Variants in PCDHGA4 observed in about 807,000 individuals in gnomAD.
The protein encoded by PCDHGA4 is protocadherin gamma subfamily A, 4.
In PCDHGA4, 38 loss-of-function variants were observed where a neutral mutation model predicts 54.6. The observed-to-expected ratio is 0.70, with a 90% confidence interval of 0.54 to 0.91. The LOEUF (loss-of-function observed/expected upper bound fraction) is 0.91. PCDHGA4 is among the 40% of genes least tolerant of loss of function. The pLI, the probability that PCDHGA4 is intolerant of heterozygous loss-of-function variation, is 0.00. For synonymous variants in PCDHGA4, 511 were observed against 512.9 expected, an observed-to-expected ratio of 1.00 and a Z score of 0.05; for missense variants, 1,298 against 1,220.9, an observed-to-expected ratio of 1.06 and a Z score of -0.94.
Position 141,422,444 on chromosome 5 carries a change from T to TA in PCDHGA4, c.2514+64825dup, listed in dbSNP as rs1171104340. 1.9e-6 allele frequency: 3 copies of TA among 1,610,490 alleles called. No homozygotes were observed. The Admixed American group carries it at 5.1e-5, about 27-fold the overall frequency. ...ACTTATGGAAATTATTACAAATTGA[T>TA]AACAAGCAGAGTGCTGGACAGGGAG... On this transcript the variant is annotated intron_variant, in intron 1 of 3. Coordinates refer to ENST00000571252, the MANE Select transcript of PCDHGA4 (RefSeq NM_018917.4).
rs778496260 is a variant in PCDHGA4 at position 141,376,289 on chromosome 5, C to T, written c.2514+18668C>T. On this transcript the variant is annotated intron_variant, in intron 1 of 3. Coordinates refer to ENST00000571252, the MANE Select transcript of PCDHGA4 (RefSeq NM_018917.4). ...TTCGGGAGGTGGCTTAGCGAGCATGCCCGGCTCGCACTTTGTGGGCGTGGA... is the reference window on the plus strand; with the variant it reads ...TTCGGGAGGTGGCTTAGCGAGCATGTCCGGCTCGCACTTTGTGGGCGTGGA... 3.7e-6 allele frequency: 6 copies of T among 1,614,060 alleles called. No homozygotes were observed. The highest frequency in any genetic ancestry group is 5.1e-6 in the Non-Finnish European group (6 of 1,180,046).
chr5:141,402,880 A>G (rs886365174), intron 1 of PCDHGA4: 2 of 1,474,944 alleles, frequency 1.4e-6, no homozygotes, highest in Non-Finnish European at 1.8e-6. Flanking sequence ...CATACTTTGC[A>G]GGGTGGAAGA....
At chr5:141,421,825 AG>A in intron 1 of PCDHGA4, 1 of 1,613,802 alleles carries the variant, frequency 6.2e-7, no homozygotes. Flanking sequence ...ACTGGAGGGA[AG>A]CCTGGACCGA....
chr5:141,443,443 G>A (rs2098388456), intron 1 of PCDHGA4, among the ~76,000 whole-genome samples: 1 of 152,124 alleles, frequency 6.6e-6, no homozygotes, highest in African/African-American at 2.4e-5. Flanking sequence ...CTGTGGTTGC[G>A]CTCCTGTACT....
In PCDHGA4 at chr5:141,491,832, C is replaced by A; in HGVS notation, c.2515-2975C>A. On this transcript the variant is annotated intron_variant, in intron 1 of 3. Coordinates refer to ENST00000571252, the MANE Select transcript of PCDHGA4 (RefSeq NM_018917.4). The surrounding 1 kb of genome is among the most constrained non-coding windows in gnomAD (Gnocchi z 6.9). ...GTCGCTGGCTGCGCTCCACCCGATT[C>A]TCGGGATCATTGGACCGTTTGCGCG... 6.8e-7 allele frequency: 1 copy of A among 1,474,424 alleles called. No individual in the cohort carries two copies. 91.3% of individuals were successfully genotyped at this position (1,474,424 alleles called of 1,614,324 possible).
chr5:141,419,877 C>G (rs1272137716), intron 1 of PCDHGA4: 24 of 1,614,062 alleles, frequency 1.5e-5, no homozygotes, highest in Non-Finnish European at 1.9e-5. Flanking sequence ...GAGGTACTGC[C>G]GGATTTCAGC....
intron 1 of PCDHGA4, among the ~76,000 whole-genome samples, chr5:141,480,753 G>A (rs1418880497): frequency 1.3e-5 from 2 of 152,144 alleles, no homozygotes; most frequent in Non-Finnish European, 2.9e-5. Flanking sequence ...ATCATTTTTT[G>A]AAGGTCCCCA....
intron 1 of PCDHGA4, chr5:141,370,579 C>T (rs1363089193): frequency 1.9e-6 from 3 of 1,613,818 alleles, no homozygotes; most frequent in Non-Finnish European, 2.5e-6. Context: ...GGGGATTTAC[C>T]TACTAGGAAC....
chr5:141,486,745 C>T lies in PCDHGA4; in HGVS notation c.2515-8062C>T, dbSNP rs1167986336. On this transcript the variant is annotated intron_variant, in intron 1 of 3. Coordinates refer to ENST00000571252, the MANE Select transcript of PCDHGA4 (RefSeq NM_018917.4). This position sits in a 1 kb window ranked among gnomAD's most constrained non-coding sequence, Gnocchi z 5.0. ...CTGTTCATGCTACTCGATCCTTTGA[C>T]TATGAGCAAACCCAGACACTGCAGT... 3.1e-6 allele frequency: 5 copies of T among 1,614,226 alleles called. No homozygotes were observed. The highest frequency in any genetic ancestry group is 3.4e-6 in the Non-Finnish European group (4 of 1,180,044).
rs776737236 is a variant in PCDHGA4, at chr5:141,431,439, G to T, written c.2515-63368G>T. 20 of 1,613,724 alleles carry T rather than the reference G, an allele frequency of 1.2e-5. No individual in the cohort carries two copies. The highest frequency in any genetic ancestry group is 4.5e-5 in the East Asian group (2 of 44,888). Reference sequence around the variant, plus strand: ...GACCCGGTGCGCACAGGCACCGCGCGCATCCGCGTGATGGTTCTGGATGCG... The same window carrying T: ...GACCCGGTGCGCACAGGCACCGCGCTCATCCGCGTGATGGTTCTGGATGCG... On this transcript the variant is annotated intron_variant, in intron 1 of 3. Coordinates refer to ENST00000571252, the MANE Select transcript of PCDHGA4 (RefSeq NM_018917.4). This position sits in a 1 kb window ranked among gnomAD's most constrained non-coding sequence, Gnocchi z 4.8.
intron 1 of PCDHGA4, chr5:141,414,787 G>T (rs372484037): frequency 6.2e-7 from 1 of 1,614,230 alleles, no homozygotes; most frequent in Admixed American, 1.7e-5. Context: ...GCAGGTGACA[G>T]CCAGCGACAG....
At position 141,485,060 on chromosome 5, in the gene PCDHGA4, G is replaced by A. The variant is rs191055161; in HGVS notation, c.2515-9747G>A. 155 of 862,304 alleles carry A rather than the reference G, an allele frequency of 1.8e-4. No individual in the cohort carries two copies. The African/African-American group carries it at 2.3e-3, about 13-fold the overall frequency. 53.4% of individuals were successfully genotyped at this position (862,304 alleles called of 1,614,324 possible). ...ACCCTTGCGGCGCCGGCCGAACCGCGCCAGAGCTGGCGCGGGGAAAGGGAG... is the reference window on the plus strand; with the variant it reads ...ACCCTTGCGGCGCCGGCCGAACCGCACCAGAGCTGGCGCGGGGAAAGGGAG... On this transcript the variant is annotated intron_variant, in intron 1 of 3. Transcript: ENST00000571252. This position sits in a 1 kb window ranked among gnomAD's most constrained non-coding sequence, Gnocchi z 5.7.
chr5:141,366,112 G>C (rs747040892), intron 1 of PCDHGA4: 1 of 1,614,110 alleles, frequency 6.2e-7, no homozygotes, highest in Non-Finnish European at 8.5e-7. Context: ...TGGTAGCGGT[G>C]GACAAAGATT....
intron 1 of PCDHGA4, among the ~76,000 whole-genome samples, chr5:141,480,700 C>A (rs1327284592): frequency 1.3e-5 from 2 of 152,192 alleles, no homozygotes; most frequent in Admixed American, 6.5e-5. Flanking sequence ...CCAGGCCACA[C>A]CCCGACAAAT....
At chr5:141,415,395 CGGCTCGCACTTT>C (rs2095864519) in intron 1 of PCDHGA4, 2 of 1,614,092 alleles carry the variant, frequency 1.2e-6, no homozygotes. Flanking sequence ...CAGGTGTGTC[CGGCTCGCACTTT>C]GTGGGCGTGG....
At chr5:141,482,530 CAAA>C (rs3074545) in intron 1 of PCDHGA4, among the ~76,000 whole-genome samples, 29 of 76,552 alleles carry the variant, frequency 3.8e-4, no homozygotes, top group African/African-American at 9.1e-4. Context: ...GACAGACATG[CAAA>C]AAAAAAAAAA....
intron 1 of PCDHGA4, among the ~76,000 whole-genome samples, chr5:141,368,006 C>A (rs975093314): frequency 1.3e-5 from 2 of 152,188 alleles, no homozygotes; most frequent in African/African-American, 2.4e-5. Flanking sequence ...TAATGAAATA[C>A]TGGCCTATGT....
intron 1 of PCDHGA4, chr5:141,403,257 G>A: frequency 6.2e-7 from 1 of 1,613,902 alleles, no homozygotes; most frequent in Non-Finnish European, 8.5e-7. Flanking sequence ...AGCCCGCGGT[G>A]TCTGGTGAAC....
chr5:141,410,687 T>A, intron 1 of PCDHGA4: 1 of 1,518,632 alleles, frequency 6.6e-7, no homozygotes, highest in Non-Finnish European at 8.8e-7. Context: ...TTAGGCATAC[T>A]ACTTTATTTT....
Sources: gnomAD v4.1 joint callset for allele counts (sites outside exome capture counted in the v4.1 genomes callset) on GRCh38, gnomAD v4.1.1 for gene constraint, Gnocchi (gnomAD v3.1) non-coding constraint, MANE v1.5 for transcripts, NCBI Gene and HGNC (gene_info 2026-07-23, HGNC 2026-07-21) for gene names.